NXPE3: variants seen among roughly 807,000 people sequenced by gnomAD.
The protein encoded by NXPE3 is NXPE family member 3.
Under a neutral mutation model 46.1 loss-of-function variants are expected in NXPE3, and 26 were observed. That is an observed-to-expected ratio of 0.56 (90% CI 0.41 to 0.78). NXPE3 has a LOEUF of 0.78. NXPE3 is among the 30% of genes least tolerant of loss of function. NXPE3 has a pLI of 0.00. For synonymous variants in NXPE3, 272 were observed against 257.9 expected (o/e 1.05, Z -0.52); for missense variants, 620 against 686.0 (o/e 0.90, Z 1.07).
At chr3:101,803,553 T>C (rs931114529) in intron 5 of NXPE3, among the ~76,000 whole-genome samples, 4 of 152,224 alleles carry the variant, frequency 2.6e-5, no homozygotes, top group Non-Finnish European at 5.9e-5. Context: ...CTGAGCAGAT[T>C]ATTTTATTTC....
At chr3:101,802,049 A>G in intron 5 of NXPE3, 60 bp downstream of exon 5, 1 of 1,479,562 alleles carries the variant, frequency 6.8e-7, no homozygotes, top group South Asian at 1.4e-5. Context: ...TCCTTGTCCC[A>G]TTTAGGAGAC....
chr3:101,811,635 T>A (rs1253303643), intron 6 of NXPE3, among the ~76,000 whole-genome samples: 1 of 152,094 alleles, frequency 6.6e-6, no homozygotes, highest in Non-Finnish European at 1.5e-5. Context: ...GTCCCGTGAC[T>A]CTTCATCTAG....
chr3:101,795,060 A>G (rs900994267), intron 4 of NXPE3, among the ~76,000 whole-genome samples: 1 of 152,184 alleles, frequency 6.6e-6, no homozygotes, highest in African/African-American at 2.4e-5. Flanking sequence ...CTGTGATGAT[A>G]ATTGATAAAG....
At chr3:101,786,256 T>C (rs962622561) in intron 4 of NXPE3, among the ~76,000 whole-genome samples, 1 of 152,250 alleles carries the variant, frequency 6.6e-6, no homozygotes, top group Admixed American at 6.5e-5. Flanking sequence ...TGAACTCATA[T>C]AACCAAAATT....
intron 6 of NXPE3, among the ~76,000 whole-genome samples, chr3:101,814,786 T>C (rs1278089936): frequency 6.6e-6 from 1 of 151,888 alleles, no homozygotes; most frequent in Non-Finnish European, 1.5e-5. Context: ...AATATATACC[T>C]TCAAGAAAAA....
At chr3:101,787,594 T>A (rs1032359641) in intron 4 of NXPE3, among the ~76,000 whole-genome samples, 1 of 152,196 alleles carries the variant, frequency 6.6e-6, no homozygotes, top group African/African-American at 2.4e-5. Flanking sequence ...GTGTGAGCCA[T>A]GAAGCCTGGC....
chr3:101,827,257 T>C lies in NXPE3; in HGVS notation c.*5303T>C, dbSNP rs1157702579. On this transcript the variant is annotated 3_prime_UTR_variant, in exon 8 of 8. Coordinates refer to ENST00000273347, the MANE Select transcript of NXPE3 (RefSeq NM_145037.4). ...GTAGTACCGAGATTACAGCAGCTAG[T>C]GTCCTAAATGGAAAAGAAGTGAAAC... 1 of 152,136 alleles carries C rather than the reference T, an allele frequency of 6.6e-6. No homozygotes were observed. The highest frequency in any genetic ancestry group is 2.4e-5 in the African/African-American group (1 of 41,420). The allele number at this position is 152,136 out of a possible 1,614,324, so 9.4% of individuals were successfully genotyped here.
chr3:101,792,408 A>T (rs1402181072), intron 4 of NXPE3, among the ~76,000 whole-genome samples: 3 of 152,134 alleles, frequency 2.0e-5, no homozygotes, highest in African/African-American at 7.2e-5. Flanking sequence ...TTTACATTTA[A>T]ATCTTTAATC....
rs1942380828 is a variant in NXPE3, at chr3:101,824,081, A to G, written c.*2127A>G. The G allele has an allele frequency of 6.6e-6, 1 of 151,088 alleles. No homozygotes were observed. The highest frequency in any genetic ancestry group is 6.6e-5 in the Admixed American group (1 of 15,134). The allele number at this position is 151,088 out of a possible 1,614,324, so 9.4% of individuals were successfully genotyped here. A position where few individuals can be genotyped will look rare whatever the true frequency, so the allele number is the denominator to read the frequency against. On this transcript the variant is annotated 3_prime_UTR_variant, in exon 8 of 8. Coordinates refer to ENST00000273347, the MANE Select transcript of NXPE3 (RefSeq NM_145037.4). Reference sequence around the variant, plus strand: ...GTGCCACTGTACTCCAGTCTGGGCAACAGGGCAAGACCCTGTCTCTAAAAA... The same window carrying G: ...GTGCCACTGTACTCCAGTCTGGGCAGCAGGGCAAGACCCTGTCTCTAAAAA...
intron 1 of NXPE3, 96 bp from the exon 2 acceptor site, chr3:101,782,007 TAACTCTC>T (rs1225155586): frequency 6.6e-6 from 1 of 152,226 alleles, no homozygotes; most frequent in Non-Finnish European, 1.5e-5. Context: ...ATATCATGTA[TAACTCTC>T]TTGCCTGTAA....
Position 101,779,399 on chromosome 3 carries a change from T to C in NXPE3, c.-498+75T>C, listed in dbSNP as rs79938275. ...GGCGGAGCGACCCATTGCCCGGCTC[T>C]GCCAGCGCGCTCCTAGACTGCGAAG... On this transcript the variant is annotated intron_variant, in intron 1 of 7. Coordinates refer to ENST00000273347, the MANE Select transcript of NXPE3 (RefSeq NM_145037.4). The C allele has an allele frequency of 5.4e-3, 825 of 152,848 alleles. 25 individuals carry two copies. The highest frequency in any genetic ancestry group is 0.04 in the Admixed American group (615 of 15,308). The allele number at this position is 152,848 out of a possible 1,614,324, so 9.5% of individuals were successfully genotyped here. A position where few individuals can be genotyped will look rare whatever the true frequency, so the allele number is the denominator to read the frequency against.
Position 101,801,634 on chromosome 3 carries a change from C to T in NXPE3, c.493C>T (p.Gln165Ter), listed in dbSNP as rs1941156084. The change falls in exon 5 of 8, where the codon CAG (glutamine) becomes TAG (stop). Residue 165 changes from glutamine to a stop codon, truncating the protein, a stop_gained. Coordinates refer to ENST00000273347, the MANE Select transcript of NXPE3 (RefSeq NM_145037.4). LOFTEE classifies it high-confidence loss of function. ...AGAVGRVVDY[Q>*]NGFYKVFFTL... ...GGCTGTGGGCAGGGTGGTGGATTACCAGAATGGGTTTTACAAGGTTTTCTT... is the reference window on the plus strand; with the variant it reads ...GGCTGTGGGCAGGGTGGTGGATTACTAGAATGGGTTTTACAAGGTTTTCTT... The T allele has an allele frequency of 6.2e-7, 1 of 1,614,148 alleles. No homozygotes were observed. The highest frequency in any genetic ancestry group is 1.3e-5 in the African/African-American group (1 of 75,010).
intron 6 of NXPE3, among the ~76,000 whole-genome samples, chr3:101,816,236 A>T (rs1354392400): frequency 6.6e-6 from 1 of 151,784 alleles, no homozygotes; most frequent in Non-Finnish European, 1.5e-5. Flanking sequence ...CTTCATGCCC[A>T]TTTCAGATCT....
chr3:101,782,663 C>T lies in NXPE3; in HGVS notation c.-313C>T, dbSNP rs1204537208. ...ATTTCATTTTTTTTTGAGACAGAGTCCTGCTCTGTTGCCCAGGCTGGAGTA... is the reference window on the plus strand; with the variant it reads ...ATTTCATTTTTTTTTGAGACAGAGTTCTGCTCTGTTGCCCAGGCTGGAGTA... On this transcript the variant is annotated 5_prime_UTR_variant, in exon 3 of 8. Coordinates refer to ENST00000273347, the MANE Select transcript of NXPE3 (RefSeq NM_145037.4). 2.0e-5 allele frequency: 3 copies of T among 151,884 alleles called. No homozygotes were observed. Among genetic ancestry groups the T allele is most frequent in the African/African-American group, 7.3e-5 (3 of 41,314 alleles). 9.4% of individuals were successfully genotyped at this position (151,884 alleles called of 1,614,324 possible).
intron 1 of NXPE3, among the ~76,000 whole-genome samples, chr3:101,780,934 C>T (rs1939784074): frequency 6.6e-6 from 1 of 152,138 alleles, no homozygotes. Context: ...CCTGCTTCAT[C>T]TTTTTTCAAG....
intron 4 of NXPE3, among the ~76,000 whole-genome samples, chr3:101,786,189 C>A (rs1161381244): frequency 6.6e-6 from 1 of 152,120 alleles, no homozygotes; most frequent in Non-Finnish European, 1.5e-5. Flanking sequence ...CTCACAAGGG[C>A]CTGTCACTAA....
chr3:101,816,902 C>A lies in NXPE3; in HGVS notation c.1030C>A (p.Pro344Thr). ...GTTTAAGATGCGTCAGTTTAATGACCCTGACAACATTACAGAGTGCTTACA... is the reference window on the plus strand; with the variant it reads ...GTTTAAGATGCGTCAGTTTAATGACACTGACAACATTACAGAGTGCTTACA... ...RKFKMRQFND[P>T]DNITECLQRK... Residue 344 changes from proline (P) to threonine (T), a missense_variant, in exon 7 of 8, where the codon CCT becomes ACT. By Grantham distance (38) the Pro-to-Thr change is conservative. Around this residue, in one of 3 missense-constraint regions of NXPE3, gnomAD observed 511 missense variants for 528.6 expected, o/e 0.97. Coordinates refer to ENST00000273347, the MANE Select transcript of NXPE3 (RefSeq NM_145037.4). 1 of 1,613,622 alleles carries A rather than the reference C, an allele frequency of 6.2e-7. No homozygotes were observed. Among genetic ancestry groups the A allele is most frequent in the Admixed American group, 1.7e-5 (1 of 60,006 alleles).
At chr3:101,781,606 TTTAAC>T (rs1364735650) in intron 1 of NXPE3, 1 of 152,204 alleles carries the variant, frequency 6.6e-6, no homozygotes. Flanking sequence ...AGAGCATGCA[TTTAAC>T]TTTTTGCTTG....
chr3:101,795,747 A>C (rs1037107707), intron 4 of NXPE3, among the ~76,000 whole-genome samples: 1 of 152,048 alleles, frequency 6.6e-6, no homozygotes, highest in African/African-American at 2.4e-5. Flanking sequence ...AGCTAATGGT[A>C]ATATATATTA....
Sources: allele counts gnomAD v4.1 joint callset (sites outside exome capture counted in the v4.1 genomes callset), GRCh38; gene constraint gnomAD v4.1.1; regional missense constraint gnomAD v4.1.1; transcripts MANE v1.5; gene names NCBI Gene and HGNC (gene_info 2026-07-23, HGNC 2026-07-21).